The following DNAJC27 variants were observed in gnomAD, a reference collection of about 807,000 sequenced individuals.
The protein encoded by DNAJC27 is dnaJ homolog subfamily C member 27.
DNAJC27 carries 25 observed loss-of-function variants against 31.4 expected under a neutral mutation model. The observed-to-expected ratio is 0.80, with a 90% confidence interval of 0.58 to 1.11. DNAJC27 has a LOEUF of 1.11. DNAJC27 is among the 50% of genes most tolerant of loss of function. The pLI is 0.00. For missense variants in DNAJC27, 356 were observed against 347.3 expected (o/e 1.02, Z -0.20); for synonymous variants, 106 against 112.7 (o/e 0.94, Z 0.37).
intron 1 of DNAJC27, chr2:24,971,461 C>T (rs945503169): frequency 1.1e-5 from 2 of 176,310 alleles, no homozygotes; most frequent in African/African-American, 4.7e-5. Context: ...GGGAACTAAA[C>T]TTTCATCCTC....
chr2:24,967,209 A>C lies in DNAJC27; in HGVS notation c.170+2T>G. On this transcript the variant is annotated splice_donor_variant, in intron 2 of 6. Coordinates refer to ENST00000264711, the MANE Select transcript of DNAJC27 (RefSeq NM_016544.3). LOFTEE classifies it high-confidence loss of function. ...ACAAACCCAGGGAAACAATATACTT[A>C]CTTTGTGACTCCATAGTCAATTCCA... 6.2e-7 allele frequency: 1 copy of C among 1,610,404 alleles called. No homozygotes were observed. The highest frequency in any genetic ancestry group is 8.5e-7 in the Non-Finnish European group (1 of 1,176,870).
intron 3 of DNAJC27, among the ~76,000 whole-genome samples, chr2:24,959,578 TCCA>T (rs143802381): frequency 0.02 from 3,106 of 152,312 alleles, 41 homozygotes; most frequent in Non-Finnish European, 0.032. Flanking sequence ...TGATCAGTCC[TCCA>T]CCAACCTTCC....
At chr2:24,971,765 G>A (rs1666346516) in intron 1 of DNAJC27, 53 bp downstream of exon 1, 1 of 1,510,270 alleles carries the variant, frequency 6.6e-7, no homozygotes, top group Admixed American at 1.9e-5. Context: ...CCAGCCAATG[G>A]ACACGTCGCC....
rs758727327 is a variant in DNAJC27 at position 24,957,003 on chromosome 2, GCCTTGACACAAA to G, written c.528+28_528+39del. On this transcript the variant is annotated intron_variant, in intron 5 of 6. Transcript: ENST00000264711. ...ATTTAAACTGAAAATTGGCACAGTGGCCTTGACACAAACCTTAAAACAACAAAATGCTAGCTT... is the reference window on the plus strand; with the variant it reads ...ATTTAAACTGAAAATTGGCACAGTGGCCTTAAAACAACAAAATGCTAGCTT... 1.9e-6 allele frequency: 3 copies of G among 1,583,400 alleles called. No homozygotes were observed. In the African/African-American group the frequency reaches 4.1e-5, roughly 22 times the overall value.
intron 5 of DNAJC27, chr2:24,953,595 TA>T: frequency 2.2e-6 from 1 of 453,542 alleles, no homozygotes; most frequent in Non-Finnish European, 2.9e-6. Flanking sequence ...TTTTTTTTTT[TA>T]AACAGACTAA....
In DNAJC27 at chr2:24,944,270, C is replaced by T. The variant is rs947433267; in HGVS notation, c.*3346G>A. The T allele has an allele frequency of 1.3e-5, 2 of 152,018 alleles. No homozygotes were observed. The highest frequency in any genetic ancestry group is 2.4e-5 in the African/African-American group (1 of 41,364). The allele number at this position is 152,018 out of a possible 1,614,324, so 9.4% of individuals were successfully genotyped here. A position where few individuals can be genotyped will look rare whatever the true frequency, so the allele number is the denominator to read the frequency against. The stretch of plus-strand genomic sequence containing the variant: ...ACTGTCAAAGGCAACAAGCACATGG[C>T]TTACAGCTCCACCTTTCTAACTTTT... On this transcript the variant is annotated 3_prime_UTR_variant, in exon 7 of 7. Transcript: ENST00000264711.
intron 6 of DNAJC27, 54 bp from the exon 7 acceptor site, chr2:24,947,802 C>A: frequency 6.4e-7 from 1 of 1,570,020 alleles, no homozygotes; most frequent in Non-Finnish European, 8.7e-7. Flanking sequence ...CAACCCACTG[C>A]ATGTTAGCTG....
intron 3 of DNAJC27, among the ~76,000 whole-genome samples, chr2:24,959,947 C>T (rs1666000957): frequency 6.6e-6 from 1 of 152,236 alleles, no homozygotes; most frequent in Non-Finnish European, 1.5e-5. Context: ...CATGTATCCT[C>T]CCTTGTGTCA....
intron 6 of DNAJC27, among the ~76,000 whole-genome samples, chr2:24,948,629 T>G (rs1284550565): frequency 6.6e-6 from 1 of 152,108 alleles, no homozygotes; most frequent in African/African-American, 2.4e-5. Context: ...AATCCGGCGG[T>G]TCCGATAAAC....
chr2:24,958,554 G>T (rs1397863710), intron 3 of DNAJC27: 4 of 415,334 alleles, frequency 9.6e-6, no homozygotes, highest in Non-Finnish European at 1.5e-5. Flanking sequence ...TACTAGTTTT[G>T]TGATCTTGGG....
chr2:24,963,661 C>T (rs1018344678), intron 2 of DNAJC27, among the ~76,000 whole-genome samples, 187 bp from the exon 3 acceptor site: 2 of 152,192 alleles, frequency 1.3e-5, no homozygotes, highest in Admixed American at 1.3e-4. Context: ...CCTTCTTATC[C>T]CAAGAACACT....
intron 5 of DNAJC27, among the ~76,000 whole-genome samples, chr2:24,953,331 C>T (rs754536): frequency 0.42 from 63,682 of 151,970 alleles, 16,174 homozygotes; most frequent in Middle Eastern, 0.61. Flanking sequence ...GAAGCCTTGA[C>T]GTCTGAAAAG....
chr2:24,964,934 G>A (rs1666142359), intron 2 of DNAJC27, among the ~76,000 whole-genome samples: 1 of 152,076 alleles, frequency 6.6e-6, no homozygotes, highest in African/African-American at 2.4e-5. Flanking sequence ...CAGGCTGGAC[G>A]CGGTGGCTCA....
chr2:24,960,011 G>A (rs1335370918), intron 3 of DNAJC27, among the ~76,000 whole-genome samples: 1 of 152,112 alleles, frequency 6.6e-6, no homozygotes, highest in African/African-American at 2.4e-5. Context: ...CCTATGTAAG[G>A]CACATAGGCA....
chr2:24,971,886 T>C lies in DNAJC27; in HGVS notation c.19A>G (p.Lys7Glu). The change falls in exon 1 of 7, where the codon AAG (lysine) becomes GAG (glutamate). Residue 7 changes from lysine (K) to glutamate (E), a missense_variant. Coordinates refer to ENST00000264711, the MANE Select transcript of DNAJC27 (RefSeq NM_016544.3). Reference protein sequence around the residue: MEANMPKRKEPGRSLRI... With the variant: MEANMPERKEPGRSLRI... ...AGAGACCTGCCGGGCTCCTTCCGCTTCGGCATGTTGGCCTCCATGGCCCTG... is the reference window on the plus strand; with the variant it reads ...AGAGACCTGCCGGGCTCCTTCCGCTCCGGCATGTTGGCCTCCATGGCCCTG... 1 of 1,605,758 alleles carries C rather than the reference T, an allele frequency of 6.2e-7. No homozygotes were observed. Among genetic ancestry groups the C allele is most frequent in the Non-Finnish European group, 8.5e-7 (1 of 1,177,166 alleles).
chr2:24,970,489 G>A (rs1212071267), intron 1 of DNAJC27, among the ~76,000 whole-genome samples: 1 of 143,838 alleles, frequency 7.0e-6, no homozygotes, highest in Admixed American at 7.0e-5. Context: ...TTTTGAGACG[G>A]CGTCTCACTC....
intron 2 of DNAJC27, 24 bp downstream of exon 2, chr2:24,967,187 A>T (rs763201214): frequency 6.9e-6 from 11 of 1,590,340 alleles, no homozygotes; most frequent in Non-Finnish European, 9.5e-6. Flanking sequence ...GTAACTTACA[A>T]ACCCAGGGAA....
chr2:24,970,460 CTTTTTT>C (rs35742187), intron 1 of DNAJC27, among the ~76,000 whole-genome samples: 11 of 120,122 alleles, frequency 9.2e-5, no homozygotes, highest in Non-Finnish European at 1.4e-4. Flanking sequence ...AGTAAAATTA[CTTTTTT>C]TTTTTTTTTT....
intron 1 of DNAJC27, among the ~76,000 whole-genome samples, chr2:24,969,816 CTTTCA>C (rs1414084265): frequency 4.6e-5 from 7 of 152,100 alleles, no homozygotes; most frequent in African/African-American, 1.2e-4. Flanking sequence ...AGTTGGTCTT[CTTTCA>C]TTTCTTTTTT....
Sources: allele counts gnomAD v4.1 joint callset (sites outside exome capture counted in the v4.1 genomes callset), GRCh38; gene constraint gnomAD v4.1.1; transcripts MANE v1.5; gene names NCBI Gene and HGNC (gene_info 2026-07-23, HGNC 2026-07-21).